GSAP: variants seen among roughly 807,000 people sequenced by gnomAD.
The protein encoded by GSAP is gamma-secretase activating protein.
A neutral mutation model predicts 131.7 loss-of-function variants in GSAP; 118 were observed. The ratio of observed to expected loss-of-function variants is 0.90; its 90% CI spans 0.77 to 1.04. The LOEUF is 1.04. Among genes scored for constraint, GSAP ranks in the 50% least tolerant of loss-of-function variants. The pLI is 0.00. For synonymous variants in GSAP, 381 were observed against 363.4 expected (o/e 1.05, Z -0.55); for missense variants, 1,019 against 1,013.2 (o/e 1.01, Z -0.08).
chr7:77,326,624 C>T, intron 22 of GSAP: 1 of 173,408 alleles, frequency 5.8e-6, no homozygotes, highest in Non-Finnish European at 1.2e-5. Flanking sequence ...ATTGAGGGAA[C>T]AGCGCTCGGT....
intron 19 of GSAP, 41 bp from the exon 20 acceptor site, chr7:77,330,408 CCA>C: frequency 6.2e-7 from 1 of 1,603,438 alleles, no homozygotes; most frequent in Non-Finnish European, 8.5e-7. Context: ...AGAGGCAGGC[CCA>C]GTGGCCCAAA....
chr7:77,400,350 T>C (rs1216523708), intron 3 of GSAP, among the ~76,000 whole-genome samples: 2 of 151,914 alleles, frequency 1.3e-5, no homozygotes, highest in Non-Finnish European at 2.9e-5. Context: ...GTGTCCAAGG[T>C]GGCTGAATGG....
At chr7:77,384,482 G>C (rs1311785641) in intron 6 of GSAP, among the ~76,000 whole-genome samples, 2 of 152,044 alleles carry the variant, frequency 1.3e-5, no homozygotes, top group African/African-American at 4.8e-5. Flanking sequence ...TTGTAAGTAG[G>C]ATTCTATGCA....
At chr7:77,410,136 T>C (rs1057129440) in intron 1 of GSAP, among the ~76,000 whole-genome samples, 1 of 152,204 alleles carries the variant, frequency 6.6e-6, no homozygotes, top group Non-Finnish European at 1.5e-5. Context: ...ACTTGGACCA[T>C]CTTATAATAT....
Position 77,349,421 on chromosome 7 carries a change from C to A in GSAP, c.1492-17G>T. On this transcript the variant is annotated splice_polypyrimidine_tract_variant and intron_variant, in intron 18 of 30. Coordinates refer to ENST00000257626, the MANE Select transcript of GSAP (RefSeq NM_017439.4). ...AGGAATTTCCTATAGTGGGGAAAAA[C>A]ACACACACACAGCTGCTCAGTGTAT... 2.0e-6 allele frequency: 3 copies of A among 1,502,104 alleles called. No homozygotes were observed. The highest frequency in any genetic ancestry group is 1.8e-6 in the Non-Finnish European group (2 of 1,093,818). The allele number at this position is 1,502,104 out of a possible 1,614,324, so 93.0% of individuals were successfully genotyped here.
intron 12 of GSAP, among the ~76,000 whole-genome samples, chr7:77,363,189 T>A (rs779511390): frequency 1.3e-5 from 2 of 152,242 alleles, no homozygotes; most frequent in Non-Finnish European, 2.9e-5. Flanking sequence ...ACTGAAGGCA[T>A]TGGCCCAAGG....
At position 77,411,230 on chromosome 7, in the gene GSAP, C is replaced by A. The variant is rs76859621; in HGVS notation, c.109+4983G>T. 9.6e-4 allele frequency among the ~76,000 whole-genome samples: 146 copies of A among 151,946 alleles called. 6 individuals carry two copies. In the South Asian group the frequency reaches 0.02, roughly 21 times the overall value. ...TGAATCAGTCACTTGGTAAAATATA[C>A]CACTTCCCTGGCAAAGATTACAATA... On this transcript the variant is annotated intron_variant, in intron 1 of 30. Coordinates refer to ENST00000257626, the MANE Select transcript of GSAP (RefSeq NM_017439.4).
chr7:77,322,948 C>A (rs73703329), intron 24 of GSAP, among the ~76,000 whole-genome samples: 13,482 of 152,190 alleles, frequency 0.089, 629 homozygotes, highest in African/African-American at 0.11. Flanking sequence ...GGCTTATTTG[C>A]ATACTGGTCT....
At chr7:77,362,398 G>GA (rs1460387351) in intron 13 of GSAP, among the ~76,000 whole-genome samples, 185 bp downstream of exon 13, 1 of 152,124 alleles carries the variant, frequency 6.6e-6, no homozygotes, top group Admixed American at 6.5e-5. Context: ...GAGGAGGGAG[G>GA]ATCACTTGAG....
rs375164732 is a variant in GSAP, at chr7:77,378,993, C to G, written c.577-1603G>C. Among the ~76,000 whole-genome samples, 21 of 152,234 alleles carry G rather than the reference C, an allele frequency of 1.4e-4. No homozygotes were observed. The South Asian group carries it at 4.2e-3, about 30-fold the overall frequency. ...ATGGTAACTTGCAACTTGAGGGGGG[C>G]CATGTGGCATAAAGAGTTGTAAACC... On this transcript the variant is annotated intron_variant, in intron 8 of 30. Transcript: ENST00000257626.
chr7:77,366,507 C>A (rs1449370585), intron 12 of GSAP, among the ~76,000 whole-genome samples: 1 of 152,022 alleles, frequency 6.6e-6, no homozygotes, highest in Non-Finnish European at 1.5e-5. Context: ...TTCCCCATTG[C>A]TTTTGTCAGC....
intron 1 of GSAP, among the ~76,000 whole-genome samples, chr7:77,406,828 G>A (rs2067247663): frequency 6.6e-6 from 1 of 152,210 alleles, no homozygotes; most frequent in Non-Finnish European, 1.5e-5. Flanking sequence ...AGAGGGAGAA[G>A]AGCTAGGAGT....
chr7:77,399,570 AGAGGGTGAG>A (rs1418100334), intron 3 of GSAP, among the ~76,000 whole-genome samples: 1 of 152,198 alleles, frequency 6.6e-6, no homozygotes, highest in East Asian at 1.9e-4. Context: ...AAGAGGTAGA[AGAGGGTGAG>A]GAAGGAAAGC....
intron 8 of GSAP, among the ~76,000 whole-genome samples, chr7:77,378,050 A>G (rs1204120320): frequency 6.6e-6 from 1 of 152,218 alleles, no homozygotes; most frequent in Non-Finnish European, 1.5e-5. Context: ...GTGCATTGGC[A>G]TGCTGCTTTG....
chr7:77,321,174 AG>A (rs927868118), intron 25 of GSAP, among the ~76,000 whole-genome samples, 158 bp downstream of exon 25: 1 of 152,152 alleles, frequency 6.6e-6, no homozygotes, highest in Non-Finnish European at 1.5e-5. Flanking sequence ...GTACATATGC[AG>A]GGGGGCATAA....
intron 20 of GSAP, chr7:77,329,622 T>C (rs1788791227): frequency 3.4e-6 from 1 of 292,378 alleles, no homozygotes; most frequent in Non-Finnish European, 6.3e-6. Flanking sequence ...ACAACACTAA[T>C]CTACATGCAG....
chr7:77,371,778 A>G (rs904716771), intron 12 of GSAP, among the ~76,000 whole-genome samples: 1 of 152,272 alleles, frequency 6.6e-6, no homozygotes, highest in South Asian at 2.1e-4. Context: ...TCTTTTGAAA[A>G]TATGTATCTA....
intron 1 of GSAP, among the ~76,000 whole-genome samples, chr7:77,410,794 T>A (rs1414441588): frequency 6.6e-6 from 1 of 152,194 alleles, no homozygotes; most frequent in African/African-American, 2.4e-5. Flanking sequence ...ATGACCATAT[T>A]TAAGGAGAAA....
chr7:77,365,404 A>C (rs538353763), intron 12 of GSAP, among the ~76,000 whole-genome samples: 1 of 152,238 alleles, frequency 6.6e-6, no homozygotes, highest in African/African-American at 2.4e-5. Flanking sequence ...ACTCTCAAGA[A>C]GACCCCAGTG....
Sources: gnomAD v4.1 joint callset for allele counts (sites outside exome capture counted in the v4.1 genomes callset) on GRCh38, gnomAD v4.1.1 for gene constraint, MANE v1.5 for transcripts, NCBI Gene and HGNC (gene_info 2026-07-23, HGNC 2026-07-21) for gene names.